MAGI2: variants seen among roughly 807,000 people sequenced by gnomAD.
MAGI2 encodes membrane associated guanylate kinase, WW and PDZ domain containing 2.
Under a neutral mutation model 133.3 loss-of-function variants are expected in MAGI2, and 35 were observed. The ratio of observed to expected loss-of-function variants is 0.26; its 90% CI spans 0.20 to 0.35. MAGI2 has a LOEUF of 0.35. Among genes scored for constraint, MAGI2 ranks in the 10% least tolerant of loss-of-function variants. MAGI2 has a pLI of 1.00. For synonymous variants in MAGI2, 729 were observed against 710.6 expected, an observed-to-expected ratio of 1.03 and a Z score of -0.41; for missense variants, 1,636 against 1,863.4, an observed-to-expected ratio of 0.88 and a Z score of 2.25.
chr7:78,620,036 T>C (rs1442980634), intron 3 of MAGI2, among the ~76,000 whole-genome samples: 1 of 151,948 alleles, frequency 6.6e-6, no homozygotes, highest in Non-Finnish European at 1.5e-5. Flanking sequence ...TCTACTGCTG[T>C]TATGAAGGTT....
At chr7:78,426,323 C>A (rs966341861) in intron 6 of MAGI2, among the ~76,000 whole-genome samples, 2 of 152,010 alleles carry the variant, frequency 1.3e-5, no homozygotes, top group Non-Finnish European at 2.9e-5. Context: ...TGGATGAAAT[C>A]GGAAATTATC....
intron 9 of MAGI2, among the ~76,000 whole-genome samples, chr7:78,340,001 G>A (rs917083142): frequency 1.3e-5 from 2 of 152,146 alleles, no homozygotes; most frequent in African/African-American, 4.8e-5. Flanking sequence ...AATTAAAAAT[G>A]TCAGATGAAT....
chr7:78,204,125 C>T (rs1195093089), intron 10 of MAGI2, among the ~76,000 whole-genome samples: 4 of 152,164 alleles, frequency 2.6e-5, no homozygotes, highest in African/African-American at 9.7e-5. Flanking sequence ...GGAAGTTTTG[C>T]ATATGCATGT....
chr7:78,151,538 G>A (rs1019152325), intron 16 of MAGI2, among the ~76,000 whole-genome samples: 7 of 152,092 alleles, frequency 4.6e-5, no homozygotes, highest in African/African-American at 1.7e-4. Context: ...AAGATGACCG[G>A]GGCTGGCCAG....
At chr7:78,255,688 T>C (rs1792893957) in intron 10 of MAGI2, 2 of 585,468 alleles carry the variant, frequency 3.4e-6, no homozygotes, top group South Asian at 2.3e-5. Context: ...ATCTTTACCC[T>C]CCAACTTTCT....
chr7:78,989,904 T>C (rs1184098168), intron 2 of MAGI2, among the ~76,000 whole-genome samples: 1 of 152,060 alleles, frequency 6.6e-6, no homozygotes, highest in Non-Finnish European at 1.5e-5. Context: ...TATAAATATT[T>C]ATTCCATCCA....
At chr7:78,813,531 A>G (rs246461) in intron 2 of MAGI2, among the ~76,000 whole-genome samples, 123,347 of 152,032 alleles carry the variant, frequency 0.81, 51,046 homozygotes, top group East Asian at 0.96. Context: ...CACGCCTGTA[A>G]TCCCAACACT....
chr7:79,121,943 A>G (rs565536166), intron 1 of MAGI2, among the ~76,000 whole-genome samples: 2 of 152,270 alleles, frequency 1.3e-5, no homozygotes, highest in East Asian at 3.9e-4. Flanking sequence ...ATATAAAGTC[A>G]TCCTACTTTC....
At chr7:79,297,178 C>G (rs1255287652) in intron 1 of MAGI2, among the ~76,000 whole-genome samples, 1 of 152,092 alleles carries the variant, frequency 6.6e-6, no homozygotes, top group Admixed American at 6.6e-5. Context: ...ACCTGGCCTA[C>G]AGTGTTTGCA....
At chr7:78,087,259 A>G (rs1250379932) in intron 20 of MAGI2, among the ~76,000 whole-genome samples, 2 of 152,246 alleles carry the variant, frequency 1.3e-5, no homozygotes, top group East Asian at 3.8e-4. Context: ...GTTTGAAAAA[A>G]GGCATTTTTC....
At chr7:78,741,409 ACACACACACACACACACAC>A (rs1822414411) in intron 2 of MAGI2, among the ~76,000 whole-genome samples, 2 of 145,438 alleles carry the variant, frequency 1.4e-5, no homozygotes, top group African/African-American at 5.3e-5. Flanking sequence ...ACACACACAC[ACACACACACACACACACAC>A]GGGAGGGGGG....
chr7:79,274,067 T>A (rs531635571), intron 1 of MAGI2, among the ~76,000 whole-genome samples: 1 of 152,084 alleles, frequency 6.6e-6, no homozygotes, highest in Non-Finnish European at 1.5e-5. Flanking sequence ...GTTACCAAAG[T>A]TAGCCAACAA....
intron 20 of MAGI2, among the ~76,000 whole-genome samples, chr7:78,103,551 G>C (rs1204961093): frequency 6.6e-6 from 1 of 152,188 alleles, no homozygotes; most frequent in Non-Finnish European, 1.5e-5. Context: ...CTGCAAGGTA[G>C]GTATGCATTG....
intron 6 of MAGI2, among the ~76,000 whole-genome samples, chr7:78,398,329 C>T (rs1445840384): frequency 6.6e-6 from 1 of 152,056 alleles, no homozygotes; most frequent in Admixed American, 6.6e-5. Context: ...GTTGAAATTG[C>T]ACCTCTCAAC....
At chr7:78,213,618 G>A (rs961895407) in intron 10 of MAGI2, among the ~76,000 whole-genome samples, 4 of 152,332 alleles carry the variant, frequency 2.6e-5, no homozygotes, top group African/African-American at 7.2e-5. Context: ...ACCTGCTCTT[G>A]TGCCAGAGTT....
intron 6 of MAGI2, among the ~76,000 whole-genome samples, chr7:78,487,568 G>C (rs1481592410): frequency 1.3e-5 from 2 of 151,984 alleles, no homozygotes; most frequent in Non-Finnish European, 2.9e-5. Context: ...TTATCACCTG[G>C]CCCTTTACAG....
intron 2 of MAGI2, among the ~76,000 whole-genome samples, chr7:78,949,142 A>G (rs1801669805): frequency 6.6e-6 from 1 of 152,168 alleles, no homozygotes; most frequent in South Asian, 2.1e-4. Flanking sequence ...ATACAATTGC[A>G]GAATTACTAT....
At chr7:79,067,014 T>C (rs1020028887) in intron 1 of MAGI2, among the ~76,000 whole-genome samples, 2 of 152,210 alleles carry the variant, frequency 1.3e-5, no homozygotes, top group East Asian at 3.8e-4. Context: ...TACTGTACAC[T>C]TGTAGTATAG....
rs1836178077 is a variant in MAGI2 at position 79,288,251 on chromosome 7, G to T, written c.301+164769C>A. On this transcript the variant is annotated intron_variant, in intron 1 of 21. Coordinates refer to ENST00000354212, the MANE Select transcript of MAGI2 (RefSeq NM_012301.4). Reference sequence around the variant, plus strand: ...CTATGCTTCAGCTTCTTCATCTAGAGAATGGGAATTATAATAGTGTCTACC... The same window carrying T: ...CTATGCTTCAGCTTCTTCATCTAGATAATGGGAATTATAATAGTGTCTACC... 2.0e-5 allele frequency among the ~76,000 whole-genome samples: 3 copies of T among 152,234 alleles called. No homozygotes were observed. The South Asian group carries it at 6.2e-4, about 32-fold the overall frequency.
Sources: allele counts gnomAD v4.1 joint callset (sites outside exome capture counted in the v4.1 genomes callset), GRCh38; gene constraint gnomAD v4.1.1; transcripts MANE v1.5; gene names NCBI Gene and HGNC (gene_info 2026-07-23, HGNC 2026-07-21).